CA10: variants seen among roughly 807,000 people sequenced by gnomAD.
CA10 encodes the protein carbonic anhydrase-related protein 10.
A neutral mutation model predicts 44.2 loss-of-function variants in CA10; 14 were observed. The ratio of observed to expected loss-of-function variants is 0.32; its 90% CI spans 0.21 to 0.50. The LOEUF (loss-of-function observed/expected upper bound fraction) is 0.50, where lower values mean the gene tolerates loss of function less well. Among genes scored for constraint, CA10 ranks in the 20% least tolerant of loss-of-function variants. The pLI is 0.99. For missense variants in CA10, 350 were observed against 409.7 expected (o/e 0.85, Z 1.26); for synonymous variants, 159 against 141.6 (o/e 1.12, Z -0.87).
At chr17:52,051,104 G>A (rs2319641) in intron 2 of CA10, among the ~76,000 whole-genome samples, 56,533 of 131,696 alleles carry the variant, frequency 0.43, 12,603 homozygotes, top group East Asian at 0.75. Flanking sequence ...AGGGAGGAAG[G>A]AAGGAAGAAG....
intron 6 of CA10, among the ~76,000 whole-genome samples, chr17:51,641,569 T>G (rs117521679): frequency 0.012 from 1,837 of 152,310 alleles, 17 homozygotes; most frequent in Non-Finnish European, 0.02. Flanking sequence ...GTGTATTTTA[T>G]CACCCAATTT....
chr17:51,720,674 A>G (rs1013190673), intron 4 of CA10, among the ~76,000 whole-genome samples: 5 of 152,202 alleles, frequency 3.3e-5, no homozygotes, highest in African/African-American at 9.7e-5. Flanking sequence ...CAGAATGATG[A>G]ATACCAACTG....
chr17:51,864,467 C>T (rs1979456637), intron 3 of CA10, among the ~76,000 whole-genome samples: 1 of 152,200 alleles, frequency 6.6e-6, no homozygotes, highest in Non-Finnish European at 1.5e-5. Context: ...TTGAAGCCCT[C>T]ACATCTCTTG....
chr17:51,850,495 G>A (rs540608533), intron 3 of CA10, among the ~76,000 whole-genome samples: 1 of 152,222 alleles, frequency 6.6e-6, no homozygotes, highest in Admixed American at 6.5e-5. Context: ...CTTGCAAGGG[G>A]TGAGGTCTCT....
At chr17:51,779,305 A>G (rs1905952774) in intron 3 of CA10, among the ~76,000 whole-genome samples, 1 of 152,184 alleles carries the variant, frequency 6.6e-6, no homozygotes, top group African/African-American at 2.4e-5. Context: ...TTGCAGATGA[A>G]TAGTGAATAC....
intron 3 of CA10, among the ~76,000 whole-genome samples, chr17:51,914,370 T>C (rs1466472540): frequency 6.6e-6 from 1 of 152,162 alleles, no homozygotes; most frequent in Non-Finnish European, 1.5e-5. Context: ...ACTGCTTCAG[T>C]GATGACAACT....
rs551810506 is a variant in CA10, at chr17:52,085,417, GCA to G, written c.62-13026_62-13025del. Reference sequence around the variant, plus strand: ...ACTTTTGAGGGGTAGTGAAAGACATGCACAGAGTCTTCCTATGAAGCTCATTT... The same window carrying G: ...ACTTTTGAGGGGTAGTGAAAGACATGCAGAGTCTTCCTATGAAGCTCATTT... On this transcript the variant is annotated intron_variant, in intron 1 of 8. Coordinates refer to ENST00000451037, the MANE Select transcript of CA10 (RefSeq NM_020178.5). Among the ~76,000 whole-genome samples the G allele has an allele frequency of 1.4e-4, 21 of 152,294 alleles. No homozygotes were observed. In the South Asian group the frequency reaches 3.9e-3, roughly 29 times the overall value.
At chr17:51,985,582 T>C (rs1323096586) in intron 2 of CA10, among the ~76,000 whole-genome samples, 1 of 151,946 alleles carries the variant, frequency 6.6e-6, no homozygotes, top group Admixed American at 6.6e-5. Flanking sequence ...CACTGTTTGC[T>C]GATGATATGA....
chr17:51,890,991 G>T (rs894633783), intron 3 of CA10, among the ~76,000 whole-genome samples: 30 of 152,116 alleles, frequency 2.0e-4, no homozygotes, highest in African/African-American at 6.3e-4. Context: ...TTATAAGTAG[G>T]TCAACAATAG....
At chr17:51,817,129 T>C (rs1214080888) in intron 3 of CA10, among the ~76,000 whole-genome samples, 3 of 152,198 alleles carry the variant, frequency 2.0e-5, no homozygotes, top group Non-Finnish European at 2.9e-5. Context: ...ACAGGATGGC[T>C]GGGAGGAGTA....
At chr17:51,965,617 A>C (rs1984052521) in intron 2 of CA10, among the ~76,000 whole-genome samples, 1 of 152,064 alleles carries the variant, frequency 6.6e-6, no homozygotes, top group Admixed American at 6.6e-5. Flanking sequence ...TCATACAATT[A>C]TCTCAATAGA....
At chr17:52,071,639 A>G (rs1987682132) in intron 2 of CA10, among the ~76,000 whole-genome samples, 3 of 152,088 alleles carry the variant, frequency 2.0e-5, no homozygotes, top group African/African-American at 4.8e-5. Flanking sequence ...AGTTAAAAAT[A>G]CTTTGAAATA....
chr17:52,137,579 G>T (rs112434204), intron 1 of CA10, among the ~76,000 whole-genome samples: 1 of 152,118 alleles, frequency 6.6e-6, no homozygotes, highest in Admixed American at 6.6e-5. Context: ...TTGACTGTCA[G>T]CTTTGAGTCT....
At chr17:51,649,037 C>G in intron 6 of CA10, 145 bp downstream of exon 6, 2 of 614,030 alleles carry the variant, frequency 3.3e-6, no homozygotes, top group South Asian at 2.0e-5. Flanking sequence ...TAGCCAAACC[C>G]TAATCTCCAG....
At chr17:51,679,551 G>A (rs1033176876) in intron 4 of CA10, among the ~76,000 whole-genome samples, 8 of 135,280 alleles carry the variant, frequency 5.9e-5, no homozygotes, top group South Asian at 2.5e-4. Flanking sequence ...ATGAGCCACC[G>A]TGCCTGGCCT....
At chr17:51,840,666 T>G (rs190363015) in intron 3 of CA10, among the ~76,000 whole-genome samples, 1 of 152,246 alleles carries the variant, frequency 6.6e-6, no homozygotes, top group Non-Finnish European at 1.5e-5. Context: ...GTTTTGAATA[T>G]ATTGAGTCTG....
At chr17:52,115,074 C>T (rs1015795646) in intron 1 of CA10, among the ~76,000 whole-genome samples, 1 of 152,188 alleles carries the variant, frequency 6.6e-6, no homozygotes, top group African/African-American at 2.4e-5. Context: ...TGGGCATGCC[C>T]ACATGCACTG....
intron 3 of CA10, among the ~76,000 whole-genome samples, chr17:51,840,026 T>C (rs1323439007): frequency 1.3e-5 from 2 of 152,030 alleles, no homozygotes; most frequent in East Asian, 1.9e-4. Context: ...GTAAATAGAG[T>C]ATAGTGTTTA....
At chr17:51,935,232 G>T (rs573637444) in intron 2 of CA10, among the ~76,000 whole-genome samples, 1 of 152,218 alleles carries the variant, frequency 6.6e-6, no homozygotes, top group South Asian at 2.1e-4. Flanking sequence ...CAAGGTAAGA[G>T]AAATATTGTT....
Sources: gnomAD v4.1 joint callset for allele counts (sites outside exome capture counted in the v4.1 genomes callset) on GRCh38, gnomAD v4.1.1 for gene constraint, MANE v1.5 for transcripts, NCBI Gene and HGNC (gene_info 2026-07-23, HGNC 2026-07-21) for gene names.